The following LY75 variants were observed in gnomAD, a reference collection of about 807,000 sequenced individuals.
LY75 encodes the protein C-type lectin domain family 13 member B.
A neutral mutation model predicts 231.7 loss-of-function variants in LY75; 185 were observed. The ratio of observed to expected loss-of-function variants is 0.80; its 90% CI spans 0.71 to 0.90. The LOEUF (loss-of-function observed/expected upper bound fraction) is 0.90. LY75 is among the 40% of genes least tolerant of loss of function. LY75 has a pLI of 0.00. For synonymous variants in LY75, 668 were observed against 689.0 expected (o/e 0.97, Z 0.48); for missense variants, 1,947 against 2,050.2 (o/e 0.95, Z 0.97).
chr2:159,850,291 TC>T, intron 22 of LY75, 70 bp downstream of exon 22: 2 of 1,565,998 alleles, frequency 1.3e-6, no homozygotes, highest in African/African-American at 2.7e-5. Flanking sequence ...GTATGTTAAT[TC>T]CCCATAGCCT....
intron 15 of LY75, among the ~76,000 whole-genome samples, chr2:159,859,986 C>T (rs913773569): frequency 3.9e-5 from 6 of 152,192 alleles, no homozygotes; most frequent in African/African-American, 1.2e-4. Context: ...ATAGTCTTTA[C>T]TCAGTGGTGT....
intron 11 of LY75, 69 bp from the exon 12 acceptor site, chr2:159,875,712 A>C: frequency 6.3e-7 from 1 of 1,575,066 alleles, no homozygotes; most frequent in Non-Finnish European, 8.6e-7. Flanking sequence ...TAGTGTTTCT[A>C]CTCTTTACTT....
At chr2:159,902,829 G>C (rs142510161) in intron 1 of LY75, 1 of 152,308 alleles carries the variant, frequency 6.6e-6, no homozygotes, top group East Asian at 1.9e-4. Flanking sequence ...TGATGGATTG[G>C]TTTACTTCAA....
rs1349370754 is a variant in LY75 at position 159,854,917 on chromosome 2, G to C, written c.2406C>G (p.Asp802Glu). 1.2e-6 allele frequency: 2 copies of C among 1,613,894 alleles called. No individual in the cohort carries two copies. Among genetic ancestry groups the C allele is most frequent in the Non-Finnish European group, 1.7e-6 (2 of 1,179,882 alleles). Residue 802 changes from aspartate (D) to glutamate (E), a missense_variant, in exon 17 of 35, where the codon GAC (aspartate) becomes GAG (glutamate). Physicochemically the swap from Asp to Glu is conservative, Grantham distance 45. Transcript: ENST00000263636. ...TTCTTAACTCACCTGGATTGTACCA[G>C]TCTGGTGTTTTTGGAGTACGGCCTG... ...IPKGRTPKTP[D>E]WYNPDRAGIH...
intron 28 of LY75, among the ~76,000 whole-genome samples, chr2:159,825,829 A>G (rs1683448520): frequency 6.6e-6 from 1 of 152,246 alleles, no homozygotes; most frequent in Non-Finnish European, 1.5e-5. Context: ...AACATAATCC[A>G]TCACATAAAC....
intron 1 of LY75, among the ~76,000 whole-genome samples, chr2:159,904,094 C>G (rs1409985396): frequency 6.6e-6 from 1 of 151,780 alleles, no homozygotes; most frequent in Non-Finnish European, 1.5e-5. Context: ...CTTCCTGATG[C>G]GCACCGTAGG....
chr2:159,822,811 G>A (rs1683338070), intron 28 of LY75, among the ~76,000 whole-genome samples: 1 of 152,200 alleles, frequency 6.6e-6, no homozygotes. Context: ...GCCTCCGTGG[G>A]TGATAACTAG....
At chr2:159,860,971 C>T (rs917655984) in intron 14 of LY75, 82 bp from the exon 15 acceptor site, 1 of 1,484,326 alleles carries the variant, frequency 6.7e-7, no homozygotes, top group Non-Finnish European at 9.3e-7. Flanking sequence ...CAGCCTTAAT[C>T]ACTCAAGTGC....
intron 13 of LY75, among the ~76,000 whole-genome samples, chr2:159,869,478 C>T (rs1684948417): frequency 6.6e-6 from 1 of 152,062 alleles, no homozygotes. Context: ...TGGGCTCTCA[C>T]TGGTGAAATA....
Position 159,804,306 on chromosome 2 carries a change from C to T in LY75, c.*738G>A, listed in dbSNP as rs970035196. On this transcript the variant is annotated 3_prime_UTR_variant, in exon 35 of 35. Coordinates refer to ENST00000263636, the MANE Select transcript of LY75 (RefSeq NM_002349.4). ...GAGGCGGGAGGATCACCTGCGGTCA[C>T]GAGTTCGAGACCAGCCTGGCCAACA... 3 of 152,070 alleles carry T rather than the reference C, an allele frequency of 2.0e-5. No individual in the cohort carries two copies. The highest frequency in any genetic ancestry group is 2.9e-5 in the Non-Finnish European group (2 of 68,022). The allele number at this position is 152,070 out of a possible 1,614,324, so 9.4% of individuals were successfully genotyped here.
At chr2:159,859,594 T>A (rs1432529598) in intron 15 of LY75, among the ~76,000 whole-genome samples, 1 of 152,188 alleles carries the variant, frequency 6.6e-6, no homozygotes, top group Non-Finnish European at 1.5e-5. Context: ...AACATACAAT[T>A]TTCTCATAAA....
intron 14 of LY75, 98 bp downstream of exon 14, chr2:159,864,741 A>G: frequency 7.5e-6 from 9 of 1,206,950 alleles, no homozygotes; most frequent in Non-Finnish European, 1.0e-5. Flanking sequence ...TTGTGGTTCC[A>G]TATAAATTTT....
rs1255705639 is a variant in LY75 at position 159,850,102 on chromosome 2, A to G, written c.3028T>C (p.Leu1010=). 2 of 1,613,212 alleles carry G rather than the reference A, an allele frequency of 1.2e-6. No individual in the cohort carries two copies. Among genetic ancestry groups the G allele is most frequent in the South Asian group, 2.2e-5 (2 of 90,798 alleles). Residue 1010 remains leucine, a synonymous_variant, in exon 23 of 35, where the codon TTA becomes CTA. Transcript: ENST00000263636. ...GCAGTCCAGCGCAAACCAATCCATA[A>G]AGTAGCTTCCATATCCGGAAGCAAG... is the stretch of plus-strand genomic sequence containing the variant. ...TSLLPDMEAT[L]WIGLRWTAYE... is the part of the protein sequence containing the mutation.
intron 32 of LY75, among the ~76,000 whole-genome samples, chr2:159,808,972 C>A (rs1048752236): frequency 3.3e-5 from 5 of 152,142 alleles, no homozygotes; most frequent in Non-Finnish European, 7.3e-5. Flanking sequence ...AGTGCTTAAC[C>A]TACATATTAG....
intron 23 of LY75, among the ~76,000 whole-genome samples, chr2:159,843,011 T>G (rs1185537322): frequency 6.6e-6 from 1 of 151,786 alleles, no homozygotes; most frequent in Non-Finnish European, 1.5e-5. Context: ...AAAATAATTA[T>G]AGGAAAGAAT....
At chr2:159,852,919 A>G (rs944092223) in intron 20 of LY75, among the ~76,000 whole-genome samples, 2 of 152,216 alleles carry the variant, frequency 1.3e-5, no homozygotes, top group Admixed American at 1.3e-4. Context: ...CCCAGGGTGA[A>G]GGCAGGAGGT....
intron 4 of LY75, among the ~76,000 whole-genome samples, chr2:159,888,129 G>A (rs1685647855): frequency 6.6e-6 from 1 of 152,120 alleles, no homozygotes; most frequent in South Asian, 2.1e-4. Context: ...AAGAAAGGAG[G>A]TCTGAATAAA....
At position 159,816,822 on chromosome 2, in the gene LY75, C is replaced by CCAA; in HGVS notation, c.4361_4363dup (p.Val1454dup). ...AAGACTTACATCATGACTTGAGAGC[C>CCAA]CAACCCATAGTGGAAATCCATCACG... On this transcript the variant is annotated inframe_insertion, in exon 30 of 35. Transcript: ENST00000263636. The CCAA allele has an allele frequency of 6.2e-7, 1 of 1,613,998 alleles. No individual in the cohort carries two copies. Among genetic ancestry groups the CCAA allele is most frequent in the Non-Finnish European group, 8.5e-7 (1 of 1,179,940 alleles).
At chr2:159,873,714 C>T (rs1335917800) in intron 12 of LY75, among the ~76,000 whole-genome samples, 6 of 148,342 alleles carry the variant, frequency 4.0e-5, no homozygotes, top group Non-Finnish European at 8.9e-5. Flanking sequence ...AATATATATA[C>T]ATATAATAAA....
Sources: allele counts gnomAD v4.1 joint callset (sites outside exome capture counted in the v4.1 genomes callset), GRCh38; gene constraint gnomAD v4.1.1; transcripts MANE v1.5; gene names NCBI Gene and HGNC (gene_info 2026-07-23, HGNC 2026-07-21).